SYN3: variants seen among roughly 807,000 people sequenced by gnomAD.
The protein encoded by SYN3 is synapsin III, also known as synapsin-3.
SYN3 carries 35 observed loss-of-function variants against 65.8 expected under a neutral mutation model. That is an observed-to-expected ratio of 0.53 (90% CI 0.41 to 0.70). The LOEUF (loss-of-function observed/expected upper bound fraction) is 0.70, where lower values mean the gene tolerates loss of function less well. Ranked by LOEUF, SYN3 falls within the 30% of genes least tolerant of loss-of-function variation. The pLI, the probability that SYN3 is intolerant of heterozygous loss-of-function variation, is 0.00. For missense variants in SYN3, 680 were observed against 749.0 expected, an observed-to-expected ratio of 0.91 and a Z score of 1.08; for synonymous variants, 270 against 292.9, an observed-to-expected ratio of 0.92 and a Z score of 0.80.
chr22:32,832,673 GTATTT>G (rs564439917), intron 6 of SYN3, among the ~76,000 whole-genome samples: 8 of 151,440 alleles, frequency 5.3e-5, no homozygotes, highest in Admixed American at 1.3e-4. Flanking sequence ...AAACCCTCGA[GTATTT>G]TATTTTATTT....
chr22:33,041,838 C>T (rs1033072245), intron 1 of SYN3, among the ~76,000 whole-genome samples: 2 of 152,094 alleles, frequency 1.3e-5, no homozygotes, highest in African/African-American at 4.8e-5. Flanking sequence ...GCTCAGGAAG[C>T]CTCCCAGGTA....
intron 4 of SYN3, among the ~76,000 whole-genome samples, chr22:32,927,374 A>C (rs241880): frequency 0.98 from 148,038 of 151,172 alleles, 72,495 homozygotes; most frequent in East Asian, 1. Context: ...AATCAATTCT[A>C]CCAATTCAGC....
intron 6 of SYN3, among the ~76,000 whole-genome samples, chr22:32,675,705 C>T (rs1355323641): frequency 1.3e-5 from 2 of 151,414 alleles, no homozygotes; most frequent in East Asian, 1.9e-4. Context: ...AAGCTAAAAG[C>T]CAGCTAAGCT....
At chr22:32,571,024 T>TTG (rs149461851) in intron 7 of SYN3, among the ~76,000 whole-genome samples, 9 of 151,646 alleles carry the variant, frequency 5.9e-5, no homozygotes, top group Admixed American at 2.6e-4. Flanking sequence ...CAAGAGGGAA[T>TTG]TGTGTGTGTG....
intron 4 of SYN3, among the ~76,000 whole-genome samples, chr22:32,876,590 A>G (rs1226815331): frequency 7.2e-6 from 1 of 139,710 alleles, no homozygotes; most frequent in East Asian, 2.0e-4. Flanking sequence ...TACTGCCTGC[A>G]TTGTTAAAAA....
chr22:33,038,255 G>A (rs1027142609), intron 1 of SYN3, among the ~76,000 whole-genome samples: 5 of 152,238 alleles, frequency 3.3e-5, no homozygotes, highest in African/African-American at 1.2e-4. Flanking sequence ...GAGGGAAGCA[G>A]AGCCTTCACA....
intron 6 of SYN3, among the ~76,000 whole-genome samples, chr22:32,817,015 G>A (rs2146033086): frequency 6.6e-6 from 1 of 150,970 alleles, no homozygotes; most frequent in African/African-American, 2.4e-5. Flanking sequence ...CCCAGGAATT[G>A]AAGACCAGTC....
At chr22:33,003,407 C>T (rs929927435) in intron 2 of SYN3, among the ~76,000 whole-genome samples, 1 of 152,142 alleles carries the variant, frequency 6.6e-6, no homozygotes, top group Admixed American at 6.5e-5. Flanking sequence ...TTCCCAGAGA[C>T]TTGTTGAATG....
At chr22:32,718,666 A>G (rs899723767) in intron 6 of SYN3, among the ~76,000 whole-genome samples, 6 of 151,998 alleles carry the variant, frequency 3.9e-5, no homozygotes, top group Non-Finnish European at 7.4e-5. Context: ...AAAAAAATCA[A>G]CCAGAAATTC....
At chr22:32,560,748 G>C (rs1260857682) in intron 7 of SYN3, among the ~76,000 whole-genome samples, 1 of 152,122 alleles carries the variant, frequency 6.6e-6, no homozygotes, top group African/African-American at 2.4e-5. Context: ...AAGCAAGGGG[G>C]ATCACATGAT....
intron 7 of SYN3, among the ~76,000 whole-genome samples, chr22:32,578,296 G>C (rs2058884277): frequency 6.6e-6 from 1 of 151,364 alleles, no homozygotes; most frequent in Non-Finnish European, 1.5e-5. Flanking sequence ...GCCTAGGCTG[G>C]AGTGCAGTGG....
chr22:33,006,718 C>A lies in SYN3; in HGVS notation c.-56G>T, dbSNP rs1183887903. 4.0e-6 allele frequency: 6 copies of A among 1,502,790 alleles called. No homozygotes were observed. The Admixed American group carries it at 6.7e-5, about 17-fold the overall frequency. The allele number at this position is 1,502,790 out of a possible 1,614,324, so 93.1% of individuals were successfully genotyped here. ...TACCCAGACGTGTGTAGGTGAGGCC[C>A]AGAAGACAGGCTGCTGCCAGGTACA... On this transcript the variant is annotated 5_prime_UTR_variant, in exon 2 of 14. Coordinates refer to ENST00000358763, the MANE Select transcript of SYN3 (RefSeq NM_003490.4).
intron 6 of SYN3, among the ~76,000 whole-genome samples, chr22:32,668,776 A>G (rs2060324560): frequency 6.6e-6 from 1 of 152,132 alleles, no homozygotes; most frequent in Admixed American, 6.6e-5. Flanking sequence ...TTTTAGCTTC[A>G]CATTGTCCCC....
At chr22:32,665,463 T>C (rs1290437846) in intron 6 of SYN3, among the ~76,000 whole-genome samples, 2 of 151,360 alleles carry the variant, frequency 1.3e-5, no homozygotes, top group East Asian at 2.0e-4. Context: ...TTCCTTCTTA[T>C]GGCTGAGTAG....
chr22:32,578,218 C>CTTTCT lies in SYN3; in HGVS notation c.774+18451_774+18455dup, dbSNP rs2058882169. 2.7e-5 allele frequency among the ~76,000 whole-genome samples: 4 copies of CTTTCT among 149,438 alleles called. No homozygotes were observed. The South Asian group carries it at 8.5e-4, about 32-fold the overall frequency. The stretch of plus-strand genomic sequence containing the variant: ...TCTTTCTCTCTCTTTCTTTTTCTTT[C>CTTTCT]TTTCTTTTCTTTCTTTCTTGCTTTC... On this transcript the variant is annotated intron_variant, in intron 7 of 13. Coordinates refer to ENST00000358763, the MANE Select transcript of SYN3 (RefSeq NM_003490.4).
intron 6 of SYN3, among the ~76,000 whole-genome samples, chr22:32,730,697 A>C (rs1156916079): frequency 6.6e-6 from 1 of 152,162 alleles, no homozygotes; most frequent in African/African-American, 2.4e-5. Context: ...GTGAGGTAAT[A>C]AGTGGGTGTT....
intron 6 of SYN3, among the ~76,000 whole-genome samples, chr22:32,622,466 C>T (rs1264482549): frequency 1.3e-5 from 2 of 152,134 alleles, no homozygotes; most frequent in Non-Finnish European, 2.9e-5. Flanking sequence ...GGACCTGGGT[C>T]TTGAGGAAAC....
At chr22:32,748,316 T>C (rs1053598003) in intron 6 of SYN3, among the ~76,000 whole-genome samples, 1 of 152,158 alleles carries the variant, frequency 6.6e-6, no homozygotes, top group African/African-American at 2.4e-5. Context: ...GTCAGACAGA[T>C]CTGGTTTCAA....
chr22:32,752,568 C>A (rs2145663483), intron 6 of SYN3, among the ~76,000 whole-genome samples: 1 of 152,382 alleles, frequency 6.6e-6, no homozygotes, highest in South Asian at 2.1e-4. Context: ...CGACTCACCG[C>A]ATTTGTTCTG....
Sources: gnomAD v4.1 joint callset for allele counts (sites outside exome capture counted in the v4.1 genomes callset) on GRCh38, gnomAD v4.1.1 for gene constraint, MANE v1.5 for transcripts, NCBI Gene and HGNC (gene_info 2026-07-23, HGNC 2026-07-21) for gene names.